ENKUR: variants seen among roughly 807,000 people sequenced by gnomAD.
The protein encoded by ENKUR is enkurin, TRPC channel interacting protein.
ENKUR carries 19 observed loss-of-function variants against 27.6 expected under a neutral mutation model. The observed-to-expected ratio is 0.69, with a 90% confidence interval of 0.48 to 1.01. The LOEUF (loss-of-function observed/expected upper bound fraction) is 1.01, where lower values mean the gene tolerates loss of function less well. Ranked by LOEUF, ENKUR falls within the 50% of genes least tolerant of loss-of-function variation. ENKUR has a pLI of 0.00. For synonymous variants in ENKUR, 117 were observed against 96.9 expected, an observed-to-expected ratio of 1.21 and a Z score of -1.22; for missense variants, 312 against 310.5, an observed-to-expected ratio of 1.00 and a Z score of -0.04.
rs552396867 is a variant in ENKUR, at chr10:25,007,496, G to A, written c.78-7950C>T. ...TTCACCCAGGCTGGAGTGCAGAGGC[G>A]CCATCTCGGCTCACTGCAAGCTCCG... On this transcript the variant is annotated intron_variant, in intron 1 of 5. Transcript: ENST00000331161. Among the ~76,000 whole-genome samples the A allele has an allele frequency of 2.6e-5, 4 of 152,206 alleles. No individual in the cohort carries two copies. The East Asian group carries it at 7.7e-4, about 29-fold the overall frequency.
upstream of ENKUR, among the ~76,000 whole-genome samples, chr10:25,017,477 G>T (rs989060192): frequency 6.6e-6 from 1 of 152,146 alleles, no homozygotes; most frequent in East Asian, 1.9e-4. Flanking sequence ...GTTTCTCACT[G>T]CCTGGTTGGC....
chr10:24,997,589 T>G (rs907178131), intron 2 of ENKUR, among the ~76,000 whole-genome samples: 1 of 151,862 alleles, frequency 6.6e-6, no homozygotes, highest in Non-Finnish European at 1.5e-5. Flanking sequence ...GGGTCTCACT[T>G]TGTTGCTCAG....
At chr10:25,033,973 TAA>T (rs1297899375) in intron 2 of ENKUR, among the ~76,000 whole-genome samples, 4 of 151,962 alleles carry the variant, frequency 2.6e-5, no homozygotes, top group East Asian at 3.9e-4. Flanking sequence ...TTAAAGAAAC[TAA>T]AAAGAGAACT....
Position 25,015,871 on chromosome 10 carries a change from G to A in ENKUR, c.66C>T (p.Pro22=). The change falls in exon 1 of 6, where the codon CCC becomes CCT. Residue 22 remains proline, a synonymous_variant. Transcript: ENST00000331161. ...GCTTATCCACATACCTAGGAGGCTG[G>A]GGAGGCTCCTTCAAGTCACTGGGTA... is the stretch of plus-strand genomic sequence containing the variant. The part of the protein sequence containing the change: ...NLIPSDLKEP[P]QPPRYISIFK... The A allele has an allele frequency of 6.2e-7, 1 of 1,605,178 alleles. No homozygotes were observed. Among genetic ancestry groups the A allele is most frequent in the Non-Finnish European group, 8.5e-7 (1 of 1,175,598 alleles).
chr10:25,056,764 T>C (rs1185720098), intron 2 of ENKUR, among the ~76,000 whole-genome samples: 1 of 152,232 alleles, frequency 6.6e-6, no homozygotes, highest in African/African-American at 2.4e-5. Flanking sequence ...GTGGCCTGTG[T>C]CATATCATTG....
chr10:24,993,932 T>C (rs1232031621), intron 3 of ENKUR, among the ~76,000 whole-genome samples: 5 of 152,168 alleles, frequency 3.3e-5, no homozygotes, highest in African/African-American at 1.2e-4. Flanking sequence ...GAAGTGGCTT[T>C]AAGAGCCATG....
In ENKUR at chr10:25,024,671, A is replaced by G. The variant is rs771043199; in HGVS notation, c.38-28802T>C. 1.2e-5 allele frequency: 19 copies of G among 1,614,120 alleles called. No individual in the cohort carries two copies. The East Asian group carries it at 3.3e-4, about 28-fold the overall frequency. On this transcript the variant is annotated intron_variant, in intron 2 of 5. Transcript: ENST00000615958. ...CGACTACTTCCGCAGGTAGTTTATC[A>G]TGCTTCCGCATATCTTGATCTTGTT...
intron 1 of ENKUR, among the ~76,000 whole-genome samples, chr10:25,009,751 T>C (rs1392636006): frequency 6.6e-6 from 1 of 152,152 alleles, no homozygotes; most frequent in African/African-American, 2.4e-5. Context: ...GTTCTTGGGA[T>C]AGTGAATAAG....
At chr10:25,050,509 A>G (rs1393168418) in intron 2 of ENKUR, among the ~76,000 whole-genome samples, 1 of 152,176 alleles carries the variant, frequency 6.6e-6, no homozygotes, top group Non-Finnish European at 1.5e-5. Flanking sequence ...CGTGAGACGT[A>G]TTCACTACCA....
chr10:24,984,903 C>A lies in ENKUR; in HGVS notation c.597G>T (p.Gly199=), dbSNP rs764736926. ...SDEEREAVLQ[G]LKKNWEEVHK... is the part of the protein sequence containing the mutation. ...GCACCTCTTCCCAGTTCTTTTTCAG[C>A]CCCTGCAAATGGTCAAGAAACTTGT... Residue 199 remains glycine, a splice_region_variant and synonymous_variant, in exon 5 of 6, where the codon GGG becomes GGT. Transcript: ENST00000331161. The A allele has an allele frequency of 3.4e-5, 55 of 1,610,554 alleles. No individual in the cohort carries two copies. The highest frequency in any genetic ancestry group is 4.6e-5 in the Non-Finnish European group (54 of 1,178,864).
intron 1 of ENKUR, among the ~76,000 whole-genome samples, chr10:25,010,489 A>C (rs1433956794): frequency 6.6e-6 from 1 of 151,842 alleles, no homozygotes; most frequent in Admixed American, 6.6e-5. Context: ...ACATGTGCAC[A>C]ATGTGCAGGT....
At chr10:25,054,989 C>T (rs1411072389) in intron 2 of ENKUR, among the ~76,000 whole-genome samples, 1 of 152,098 alleles carries the variant, frequency 6.6e-6, no homozygotes, top group Middle Eastern at 3.2e-3. Flanking sequence ...TATTCTTTTT[C>T]TCCATTTTTG....
intron 2 of ENKUR, among the ~76,000 whole-genome samples, chr10:24,997,126 A>G (rs1437001337): frequency 6.6e-6 from 1 of 152,200 alleles, no homozygotes; most frequent in Non-Finnish European, 1.5e-5. Flanking sequence ...AGGCAGGAGG[A>G]TTGCTTGAAG....
chr10:24,988,966 G>A (rs1308872568), intron 4 of ENKUR, among the ~76,000 whole-genome samples: 3 of 151,740 alleles, frequency 2.0e-5, no homozygotes, highest in South Asian at 2.1e-4. Flanking sequence ...CTCATAAGGC[G>A]TCCAGTGGAT....
Position 24,990,527 on chromosome 10 carries a change from T to G in ENKUR, c.530A>C (p.Gln177Pro). The G allele has an allele frequency of 6.2e-7, 1 of 1,614,146 alleles. No individual in the cohort carries two copies. The highest frequency in any genetic ancestry group is 8.5e-7 in the Non-Finnish European group (1 of 1,180,030). The change falls in exon 4 of 6, where the codon CAG (glutamine) becomes CCG (proline). Residue 177 changes from glutamine to proline, a missense_variant. Physicochemically the swap from Gln to Pro is moderately conservative, Grantham distance 76. Transcript: ENST00000331161. ...CATAGCTGCTTTCTTAAGGTTTTCC[T>G]GGATATAACGATCATAGTCTTCTTG... is the stretch of plus-strand genomic sequence containing the variant. ...KAQEDYDRYI[Q>P]ENLKKAAMKR...
At position 25,014,444 on chromosome 10, in the gene ENKUR, G is replaced by C. The variant is rs76684883; in HGVS notation, c.77+1416C>G. 7.5e-3 allele frequency among the ~76,000 whole-genome samples: 1,135 copies of C among 151,876 alleles called. 18 individuals carry two copies. The highest frequency in any genetic ancestry group is 0.025 in the African/African-American group (1,043 of 41,398). ...AACAGCACCAAGAACAGATATACTA[G>C]TGCAATATTATACACATAATAGGGG... On this transcript the variant is annotated intron_variant, in intron 1 of 5. Coordinates refer to ENST00000331161, the MANE Select transcript of ENKUR (RefSeq NM_145010.4).
chr10:25,005,071 G>A (rs1252183896), intron 1 of ENKUR, among the ~76,000 whole-genome samples: 1 of 152,080 alleles, frequency 6.6e-6, no homozygotes, highest in Non-Finnish European at 1.5e-5. Context: ...ATACTTGTAA[G>A]TGGGCAGTCT....
chr10:25,040,645 C>T (rs1461740027), intron 2 of ENKUR, among the ~76,000 whole-genome samples: 1 of 152,208 alleles, frequency 6.6e-6, no homozygotes. Flanking sequence ...GCTGGGATTA[C>T]AGGCGTGAGC....
chr10:25,051,436 CA>C (rs58215233), intron 2 of ENKUR, among the ~76,000 whole-genome samples: 4,150 of 152,216 alleles, frequency 0.027, 127 homozygotes, highest in African/African-American at 0.073. Context: ...GCAGGCTGTA[CA>C]GGAAGCATGA....
Sources: allele counts gnomAD v4.1 joint callset (sites outside exome capture counted in the v4.1 genomes callset), GRCh38; gene constraint gnomAD v4.1.1; transcripts MANE v1.5; gene names NCBI Gene and HGNC (gene_info 2026-07-23, HGNC 2026-07-21).